Variants in EPB41L2 observed in about 807,000 individuals in gnomAD.
EPB41L2 encodes band 4.1-like protein 2.
A neutral mutation model predicts 113.0 loss-of-function variants in EPB41L2; 43 were observed. The observed-to-expected ratio is 0.38, with a 90% CI of 0.30 to 0.49. The LOEUF (loss-of-function observed/expected upper bound fraction) is 0.49, where lower values mean the gene tolerates loss of function less well. EPB41L2 is among the 20% of genes least tolerant of loss of function. The pLI, the probability that EPB41L2 is intolerant of heterozygous loss-of-function variation, is 0.95. For missense variants in EPB41L2, 1,147 were observed against 1,223.4 expected (o/e 0.94, Z 0.93); for synonymous variants, 442 against 436.7 (o/e 1.01, Z -0.15).
intron 3 of EPB41L2, among the ~76,000 whole-genome samples, chr6:130,927,812 GC>G (rs1462144890): frequency 1.3e-5 from 2 of 152,194 alleles, no homozygotes; most frequent in Non-Finnish European, 2.9e-5. Context: ...GCAGTGTAAG[GC>G]CTGGCATGGT....
At chr6:131,054,451 C>T (rs576667090) in intron 1 of EPB41L2, among the ~76,000 whole-genome samples, 10 of 152,192 alleles carry the variant, frequency 6.6e-5, no homozygotes, top group South Asian at 6.2e-4. Context: ...TCTGTCTCTA[C>T]GGTCCCTGTT....
At chr6:131,017,099 G>A (rs1010520219) in intron 1 of EPB41L2, among the ~76,000 whole-genome samples, 1 of 152,192 alleles carries the variant, frequency 6.6e-6, no homozygotes, top group Non-Finnish European at 1.5e-5. Context: ...GAAATGGTAA[G>A]TTCAAGTCCA....
At chr6:130,870,278 G>T in intron 14 of EPB41L2, 152 bp from the exon 15 acceptor site, 1 of 1,546,326 alleles carries the variant, frequency 6.5e-7, no homozygotes, top group Non-Finnish European at 8.8e-7. Context: ...CAAACGTGAG[G>T]GCAATGAGAA....
intron 1 of EPB41L2, among the ~76,000 whole-genome samples, chr6:131,053,433 A>AT (rs1491169414): frequency 7.6e-5 from 4 of 52,814 alleles, no homozygotes; most frequent in Non-Finnish European, 1.6e-4. Flanking sequence ...CATGGAAATG[A>AT]TAAAAAAAAA....
At chr6:130,944,975 A>C (rs1343840792) in intron 3 of EPB41L2, among the ~76,000 whole-genome samples, 2 of 152,204 alleles carry the variant, frequency 1.3e-5, no homozygotes, top group Non-Finnish European at 1.5e-5. Flanking sequence ...TTAAGTTTTG[A>C]ATAGAATTAC....
At chr6:130,997,945 C>A (rs1443636316) in intron 1 of EPB41L2, among the ~76,000 whole-genome samples, 12 of 152,120 alleles carry the variant, frequency 7.9e-5, no homozygotes, top group Non-Finnish European at 1.8e-4. Context: ...AAAAAAATCA[C>A]AAAATAACCT....
chr6:131,041,488 T>C (rs1055865605), intron 1 of EPB41L2, among the ~76,000 whole-genome samples: 4 of 152,156 alleles, frequency 2.6e-5, no homozygotes, highest in Non-Finnish European at 5.9e-5. Context: ...ATTGTATCAC[T>C]TGATAGGAAG....
chr6:130,900,966 G>C lies in EPB41L2; in HGVS notation c.1144C>G (p.His382Asp), dbSNP rs868687611. 1 of 1,613,972 alleles carries C rather than the reference G, an allele frequency of 6.2e-7. No homozygotes were observed. The highest frequency in any genetic ancestry group is 1.3e-5 in the African/African-American group (1 of 74,920). Reference sequence around the variant, plus strand: ...CCAGTAAGCAAGGCAACAGACCTGTGGGTTTTGTGCAGCTCTGCCACCTTC... The same window carrying C: ...CCAGTAAGCAAGGCAACAGACCTGTCGGTTTTGTGCAGCTCTGCCACCTTC... ...EEKVAELHKT[H>D]RGLSPAQADS... Residue 382 changes from histidine (H) to aspartate (D), a missense_variant, in exon 7 of 20, where the codon CAC (histidine) becomes GAC (aspartate). By Grantham distance (81) the His-to-Asp change is moderately conservative. Coordinates refer to ENST00000337057, the MANE Select transcript of EPB41L2 (RefSeq NM_001431.4).
intron 1 of EPB41L2, among the ~76,000 whole-genome samples, chr6:130,974,863 T>C (rs1334703670): frequency 1.3e-5 from 2 of 151,698 alleles, no homozygotes; most frequent in East Asian, 1.9e-4. Flanking sequence ...GTTCAAGCGA[T>C]TCTCCTGCCT....
intron 3 of EPB41L2, among the ~76,000 whole-genome samples, chr6:130,944,712 A>G (rs1004733375): frequency 2.0e-5 from 3 of 152,194 alleles, no homozygotes; most frequent in Admixed American, 6.5e-5. Flanking sequence ...GCAACTCAGC[A>G]TATGTCTGAT....
intron 11 of EPB41L2, 47 bp from the exon 12 acceptor site, chr6:130,885,315 T>C (rs747381139): frequency 6.3e-6 from 10 of 1,596,492 alleles, no homozygotes; most frequent in Non-Finnish European, 6.9e-6. Context: ...ATATGAATCA[T>C]AAACTTTATG....
chr6:131,049,056 G>T (rs1261253504), intron 1 of EPB41L2, among the ~76,000 whole-genome samples: 2 of 152,176 alleles, frequency 1.3e-5, no homozygotes, highest in African/African-American at 4.8e-5. Context: ...AAGGTAAAAT[G>T]ACCTCAATTG....
At chr6:130,986,518 G>A (rs965102738) in intron 1 of EPB41L2, among the ~76,000 whole-genome samples, 4 of 152,012 alleles carry the variant, frequency 2.6e-5, no homozygotes, top group African/African-American at 9.6e-5. Context: ...AAATGGTGTA[G>A]CAGATTCAGA....
In EPB41L2 at chr6:130,899,572, T is replaced by C; in HGVS notation, c.1155A>G (p.Leu385=). The C allele has an allele frequency of 6.2e-7, 1 of 1,613,742 alleles. No homozygotes were observed. The highest frequency in any genetic ancestry group is 8.5e-7 in the Non-Finnish European group (1 of 1,179,704). The stretch of plus-strand genomic sequence containing the variant: ...ACTGGGAATCAGCTTGTGCTGGCGA[T>C]AAGCCCCTGAGAATCAAAAGAAACA... ...VAELHKTHRG[L]SPAQADSQFL... The change falls in exon 8 of 20, where the codon TTA becomes TTG. Residue 385 remains leucine (L), a synonymous_variant. Transcript: ENST00000337057.
intron 1 of EPB41L2, among the ~76,000 whole-genome samples, chr6:131,013,141 T>A (rs1197581412): frequency 2.6e-5 from 4 of 152,106 alleles, no homozygotes. Flanking sequence ...TTACCAGTAG[T>A]TACACATATT....
intron 1 of EPB41L2, among the ~76,000 whole-genome samples, chr6:131,038,371 T>A (rs1412374548): frequency 6.6e-6 from 1 of 152,176 alleles, no homozygotes. Context: ...ATATCATGAA[T>A]GAGACAGAAA....
Position 130,876,370 on chromosome 6 carries a change from T to C in EPB41L2, c.2043+1734A>G, listed in dbSNP as rs1787560963. On this transcript the variant is annotated intron_variant, in intron 14 of 19. Transcript: ENST00000337057. ...TAAGTATTGTACAAACAGTGCACTT[T>C]CACATGAAATCAGTTTCCCAACTGT... Among the ~76,000 whole-genome samples the C allele has an allele frequency of 1.3e-5, 2 of 152,234 alleles. 1 individual carries two copies. Among genetic ancestry groups the C allele is most frequent in the South Asian group, 4.1e-4 (2 of 4,836 alleles).
chr6:130,986,129 G>A (rs1269586938), intron 1 of EPB41L2, among the ~76,000 whole-genome samples: 1 of 152,016 alleles, frequency 6.6e-6, no homozygotes, highest in East Asian at 1.9e-4. Context: ...TGGGCAAGTG[G>A]GATTTATTCC....
At chr6:130,958,859 A>G (rs1409346486) in intron 1 of EPB41L2, among the ~76,000 whole-genome samples, 3 of 152,232 alleles carry the variant, frequency 2.0e-5, no homozygotes, top group Non-Finnish European at 2.9e-5. Context: ...GAGAAGTTAC[A>G]TAAGTACTTG....
Sources: gnomAD v4.1 joint callset for allele counts (sites outside exome capture counted in the v4.1 genomes callset) on GRCh38, gnomAD v4.1.1 for gene constraint, MANE v1.5 for transcripts, NCBI Gene and HGNC (gene_info 2026-07-23, HGNC 2026-07-21) for gene names.